Variants in SMYD3 observed in about 807,000 individuals in gnomAD.
SMYD3 encodes SET and MYND domain containing 3.
SMYD3 carries 36 observed loss-of-function variants against 57.7 expected under a neutral mutation model. That is an observed-to-expected ratio of 0.62 (90% CI 0.48 to 0.82). SMYD3 has a LOEUF of 0.82. SMYD3 is among the 40% of genes least tolerant of loss of function. The probability of loss-of-function intolerance (pLI) is 0.00; values close to 1 mark genes in which losing one functional copy is unlikely to be tolerated. For synonymous variants in SMYD3, 211 were observed against 195.0 expected (o/e 1.08, Z -0.68); for missense variants, 515 against 538.8 (o/e 0.96, Z 0.44).
intron 1 of SMYD3, among the ~76,000 whole-genome samples, chr1:246,506,706 G>A (rs1032410361): frequency 7.2e-5 from 11 of 152,286 alleles, no homozygotes; most frequent in Non-Finnish European, 1.3e-4. Flanking sequence ...AAGGAAGACT[G>A]TCCAGCACAC....
chr1:245,755,507 A>G (rs1386183514), intron 11 of SMYD3, among the ~76,000 whole-genome samples: 2 of 151,896 alleles, frequency 1.3e-5, no homozygotes, highest in African/African-American at 2.4e-5. Flanking sequence ...GTGCTTGTCT[A>G]TTTGCTCATT....
intron 5 of SMYD3, among the ~76,000 whole-genome samples, chr1:246,279,961 TAGTA>T (rs1188532541): frequency 3.3e-5 from 5 of 151,930 alleles, no homozygotes; most frequent in Non-Finnish European, 5.9e-5. Context: ...TACTTACTCG[TAGTA>T]AGTAAGATTA....
At chr1:245,785,199 G>T (rs758491707) in intron 10 of SMYD3, among the ~76,000 whole-genome samples, 2 of 151,844 alleles carry the variant, frequency 1.3e-5, no homozygotes, top group African/African-American at 4.8e-5. Context: ...ATTTTTTGAT[G>T]GGGAAATGGT....
intron 5 of SMYD3, among the ~76,000 whole-genome samples, chr1:246,009,026 G>A (rs1344261580): frequency 6.6e-6 from 1 of 152,126 alleles, no homozygotes; most frequent in Admixed American, 6.5e-5. Flanking sequence ...CCTCCTCTTA[G>A]CTGCAAAATA....
intron 5 of SMYD3, among the ~76,000 whole-genome samples, chr1:245,995,084 TC>T (rs1308657331): frequency 1.3e-5 from 2 of 151,896 alleles, no homozygotes; most frequent in Admixed American, 1.3e-4. Context: ...AGAGCAAGAC[TC>T]CGTCTCAAAA....
intron 8 of SMYD3, among the ~76,000 whole-genome samples, chr1:245,892,920 G>A (rs1206118460): frequency 2.0e-5 from 3 of 152,094 alleles, no homozygotes; most frequent in Non-Finnish European, 2.9e-5. Context: ...TTTTCATTCT[G>A]TGAAGAGAAT....
At chr1:245,793,523 G>T (rs2047391893) in intron 10 of SMYD3, among the ~76,000 whole-genome samples, 1 of 151,934 alleles carries the variant, frequency 6.6e-6, no homozygotes, top group Non-Finnish European at 1.5e-5. Flanking sequence ...TGTAATGAAT[G>T]CCACCCAGAG....
chr1:246,407,445 T>A (rs557800879), intron 1 of SMYD3, among the ~76,000 whole-genome samples: 83 of 152,364 alleles, frequency 5.4e-4, no homozygotes, highest in African/African-American at 1.8e-3. Context: ...GGCTGCGCCA[T>A]GACCGCTCTC....
intron 5 of SMYD3, among the ~76,000 whole-genome samples, chr1:246,168,131 T>A (rs2062253694): frequency 2.0e-5 from 3 of 152,172 alleles, no homozygotes; most frequent in East Asian, 3.9e-4. Context: ...AGCCAAAATA[T>A]CTTAAGAGTA....
chr1:245,784,033 T>A (rs1424243586), intron 10 of SMYD3, among the ~76,000 whole-genome samples: 1 of 152,228 alleles, frequency 6.6e-6, no homozygotes, highest in Non-Finnish European at 1.5e-5. Flanking sequence ...GACAAGAGTA[T>A]TGTAAAATTA....
chr1:245,749,727 C>T, intron 11 of SMYD3, 63 bp from the exon 12 acceptor site: 4 of 1,316,242 alleles, frequency 3.0e-6, no homozygotes, highest in South Asian at 1.2e-5. Flanking sequence ...CCATTCCCCA[C>T]CTTTACCCCA....
chr1:246,363,977 A>C (rs72778121), intron 1 of SMYD3, among the ~76,000 whole-genome samples: 23,416 of 152,158 alleles, frequency 0.15, 2,052 homozygotes, highest in East Asian at 0.3. Context: ...GGAGGCTTAG[A>C]GTCAGAGAAG....
At chr1:246,452,341 C>G (rs1190751243) in intron 1 of SMYD3, among the ~76,000 whole-genome samples, 3 of 152,068 alleles carry the variant, frequency 2.0e-5, no homozygotes, top group East Asian at 3.9e-4. Context: ...CCTTGTCTCT[C>G]CTAAAAATAC....
At chr1:245,995,423 T>C (rs1205158273) in intron 5 of SMYD3, among the ~76,000 whole-genome samples, 1 of 152,260 alleles carries the variant, frequency 6.6e-6, no homozygotes, top group Non-Finnish European at 1.5e-5. Flanking sequence ...CAGTAACAAA[T>C]GCCTGAGGGT....
rs1428541118 is a variant in SMYD3 at position 246,355,893 on chromosome 1, G to C, written c.165-799C>G. Among the ~76,000 whole-genome samples, 3 of 152,102 alleles carry C rather than the reference G, an allele frequency of 2.0e-5. No homozygotes were observed. The highest frequency in any genetic ancestry group is 6.5e-5 in the Admixed American group (1 of 15,274). On this transcript the variant is annotated intron_variant, in intron 1 of 11. Coordinates refer to ENST00000490107, the MANE Select transcript of SMYD3 (RefSeq NM_001167740.2). This position sits in a 1 kb window ranked among gnomAD's most constrained non-coding sequence, Gnocchi z 5.0. ...CCAAAGACAAAGGCCATAATCTCTT[G>C]GGAGCTCTATGGCCCTGCCTACCAC... is the stretch of plus-strand genomic sequence containing the variant.
At chr1:245,773,595 G>A (rs2046425702) in intron 10 of SMYD3, among the ~76,000 whole-genome samples, 1 of 152,124 alleles carries the variant, frequency 6.6e-6, no homozygotes, top group Non-Finnish European at 1.5e-5. Context: ...CATGTAAACA[G>A]TTTCCTCTTG....
chr1:245,985,054 G>A (rs956529618), intron 5 of SMYD3, among the ~76,000 whole-genome samples: 7 of 151,956 alleles, frequency 4.6e-5, no homozygotes, highest in African/African-American at 1.7e-4. Context: ...TCGCTCACCT[G>A]ACCACACAGC....
chr1:246,331,807 C>T lies in SMYD3; in HGVS notation c.337-1270G>A, dbSNP rs181333129. Among the ~76,000 whole-genome samples the T allele has an allele frequency of 3.7e-4, 56 of 152,314 alleles. 1 individual carries two copies. The East Asian group carries it at 0.01, about 28-fold the overall frequency. ...TATGTGTGACATTTTGGAATTCTCACAATATTTCAAACTTTTGGTTATTAT... is the reference window on the plus strand; with the variant it reads ...TATGTGTGACATTTTGGAATTCTCATAATATTTCAAACTTTTGGTTATTAT... On this transcript the variant is annotated intron_variant, in intron 3 of 11. Transcript: ENST00000490107.
chr1:246,092,887 A>T (rs948680508), intron 5 of SMYD3, among the ~76,000 whole-genome samples: 2 of 152,164 alleles, frequency 1.3e-5, no homozygotes, highest in African/African-American at 4.8e-5. Context: ...CTATATAAGG[A>T]ACTCAACTCA....
Sources: gnomAD v4.1 joint callset for allele counts (sites outside exome capture counted in the v4.1 genomes callset) on GRCh38, gnomAD v4.1.1 for gene constraint, Gnocchi (gnomAD v3.1) non-coding constraint, MANE v1.5 for transcripts, NCBI Gene and HGNC (gene_info 2026-07-23, HGNC 2026-07-21) for gene names.